RNF13: variants seen among roughly 807,000 people sequenced by gnomAD.
RNF13 encodes ring finger protein 13.
Under a neutral mutation model 37.7 loss-of-function variants are expected in RNF13, and 19 were observed. That is an observed-to-expected ratio of 0.50 (90% CI 0.35 to 0.74). The LOEUF is 0.74. Ranked by LOEUF, RNF13 falls within the 30% of genes least tolerant of loss-of-function variation. The pLI is 0.01. For synonymous variants in RNF13, 144 were observed against 157.8 expected, an observed-to-expected ratio of 0.91 and a Z score of 0.65; for missense variants, 375 against 453.0, an observed-to-expected ratio of 0.83 and a Z score of 1.56.
At chr3:149,925,526 A>C (rs1032878433) in intron 8 of RNF13, among the ~76,000 whole-genome samples, 1 of 152,136 alleles carries the variant, frequency 6.6e-6, no homozygotes, top group Non-Finnish European at 1.5e-5. Flanking sequence ...TTAATTTTTT[A>C]ATGAAATTTA....
chr3:149,823,173 A>C (rs1350189524), intron 1 of RNF13, among the ~76,000 whole-genome samples: 12 of 152,144 alleles, frequency 7.9e-5, no homozygotes, highest in Admixed American at 7.2e-4. Flanking sequence ...GGAAATATTT[A>C]TAAAGTGCTT....
intron 8 of RNF13, among the ~76,000 whole-genome samples, chr3:149,951,865 G>C (rs1721377107): frequency 6.6e-6 from 1 of 152,098 alleles, no homozygotes; most frequent in African/African-American, 2.4e-5. Flanking sequence ...AATTACCTGA[G>C]GATACACGAG....
chr3:149,842,639 G>A (rs1722289053), intron 1 of RNF13, among the ~76,000 whole-genome samples: 1 of 152,092 alleles, frequency 6.6e-6, no homozygotes, highest in African/African-American at 2.4e-5. Flanking sequence ...TTACCTATAG[G>A]TGTAATTAAA....
intron 2 of RNF13, among the ~76,000 whole-genome samples, chr3:149,849,982 ATT>A (rs752045812): frequency 4.9e-5 from 7 of 143,676 alleles, no homozygotes; most frequent in Non-Finnish European, 4.6e-5. Flanking sequence ...TCTACTTCAG[ATT>A]TTTTTTTTTT....
intron 1 of RNF13, among the ~76,000 whole-genome samples, chr3:149,843,684 C>T (rs951374835): frequency 1.4e-4 from 21 of 152,182 alleles, no homozygotes; most frequent in Non-Finnish European, 1.8e-4. Flanking sequence ...CTTTACTCTT[C>T]GAACATCAAC....
chr3:149,897,438 T>G (rs1361923912), intron 5 of RNF13, among the ~76,000 whole-genome samples: 6 of 152,362 alleles, frequency 3.9e-5, no homozygotes, highest in African/African-American at 1.4e-4. Context: ...ATTTTTTCTT[T>G]GTAATACTGT....
At chr3:149,883,730 A>G (rs1713688325) in intron 4 of RNF13, among the ~76,000 whole-genome samples, 2 of 150,656 alleles carry the variant, frequency 1.3e-5, no homozygotes, top group Non-Finnish European at 2.9e-5. Flanking sequence ...TCTGGGGTAC[A>G]TGTACAGGAT....
At chr3:149,927,411 C>G (rs770664141) in intron 8 of RNF13, among the ~76,000 whole-genome samples, 7 of 152,136 alleles carry the variant, frequency 4.6e-5, no homozygotes, top group African/African-American at 1.7e-4. Context: ...GTTGGTTACA[C>G]CTTTTGGCTA....
At chr3:149,868,556 G>A (rs191304226) in intron 3 of RNF13, among the ~76,000 whole-genome samples, 3 of 149,536 alleles carry the variant, frequency 2.0e-5, no homozygotes, top group Middle Eastern at 3.4e-3. Context: ...TCTTTATTCC[G>A]ATCCTCTCCA....
At chr3:149,914,106 G>A (rs1717258100) in intron 7 of RNF13, among the ~76,000 whole-genome samples, 1 of 151,808 alleles carries the variant, frequency 6.6e-6, no homozygotes, top group African/African-American at 2.4e-5. Context: ...CATTATTTTT[G>A]TTTTTTGATT....
At chr3:149,862,195 A>G (rs1269595399) in intron 3 of RNF13, among the ~76,000 whole-genome samples, 1 of 152,104 alleles carries the variant, frequency 6.6e-6, no homozygotes, top group African/African-American at 2.4e-5. Context: ...TTACACCATA[A>G]TGTAACCAAT....
chr3:149,853,674 T>C (rs1034950576), intron 3 of RNF13, among the ~76,000 whole-genome samples: 1 of 102,618 alleles, frequency 9.7e-6, no homozygotes, highest in Non-Finnish European at 2.2e-5. Context: ...AAAGTTTTGT[T>C]TAAGTAGTTA....
At chr3:149,828,969 A>C (rs1720766390) in intron 1 of RNF13, among the ~76,000 whole-genome samples, 1 of 152,250 alleles carries the variant, frequency 6.6e-6, no homozygotes, top group South Asian at 2.1e-4. Context: ...AATCACCTGG[A>C]GTACATGTTA....
chr3:149,893,849 C>CT (rs1406748066), intron 4 of RNF13: 3 of 152,190 alleles, frequency 2.0e-5, no homozygotes, highest in Non-Finnish European at 4.4e-5. Context: ...CTAAAACATA[C>CT]TTGTCACAGT....
intron 3 of RNF13, among the ~76,000 whole-genome samples, chr3:149,853,455 GGA>G (rs397842025): frequency 0.13 from 15,409 of 116,938 alleles, 909 homozygotes; most frequent in East Asian, 0.28. Context: ...AGAGAGAGAG[GGA>G]GAGAGAGAGA....
At chr3:149,921,469 A>G (rs1240171335) in intron 8 of RNF13, among the ~76,000 whole-genome samples, 1 of 151,446 alleles carries the variant, frequency 6.6e-6, no homozygotes, top group East Asian at 1.9e-4. Context: ...ACCCCCCAAC[A>G]GGCCCTGTTG....
intron 3 of RNF13, among the ~76,000 whole-genome samples, chr3:149,861,147 A>G (rs1240792675): frequency 6.6e-6 from 1 of 152,098 alleles, no homozygotes; most frequent in Non-Finnish European, 1.5e-5. Flanking sequence ...GAGGGAACTC[A>G]TACACTGTTG....
intron 9 of RNF13, 109 bp downstream of exon 9, chr3:149,960,245 C>A: frequency 1.4e-6 from 1 of 734,890 alleles, no homozygotes; most frequent in Non-Finnish European, 2.3e-6. Context: ...AGAAGCCAGG[C>A]CCTGTACTAA....
intron 1 of RNF13, among the ~76,000 whole-genome samples, chr3:149,820,989 A>G (rs1719947273): frequency 6.6e-6 from 1 of 152,186 alleles, no homozygotes; most frequent in Non-Finnish European, 1.5e-5. Flanking sequence ...TTTCCTTTTC[A>G]TAGCAGAAGA....
Sources: gnomAD v4.1 joint callset for allele counts (sites outside exome capture counted in the v4.1 genomes callset) on GRCh38, gnomAD v4.1.1 for gene constraint, MANE v1.5 for transcripts, NCBI Gene and HGNC (gene_info 2026-07-23, HGNC 2026-07-21) for gene names.